WFS1: variants seen among roughly 807,000 people sequenced by gnomAD.
WFS1 encodes the protein wolframin.
A neutral mutation model predicts 68.5 loss-of-function variants in WFS1; 90 were observed. The observed-to-expected ratio is 1.31, with a 90% CI of 1.11 to 1.56. The LOEUF (loss-of-function observed/expected upper bound fraction) is 1.56, where lower values mean the gene tolerates loss of function less well. Ranked by LOEUF, WFS1 falls within the 40% of genes most tolerant of loss-of-function variation. The probability of loss-of-function intolerance (pLI) is 0.00; values close to 1 mark genes in which losing one functional copy is unlikely to be tolerated. For synonymous variants in WFS1, 860 were observed against 540.7 expected (o/e 1.59, Z -8.19); for missense variants, 1,767 against 1,232.6 (o/e 1.43, Z -6.49).
rs2109117119 is a variant in WFS1 at position 6,291,909 on chromosome 4, C to T, written c.632-8C>T. 1 of 1,608,300 alleles carries T rather than the reference C, an allele frequency of 6.2e-7. No homozygotes were observed. Among genetic ancestry groups the T allele is most frequent in the Non-Finnish European group, 8.5e-7 (1 of 1,178,180 alleles). On this transcript the variant is annotated splice_polypyrimidine_tract_variant and splice_region_variant and intron_variant, in intron 5 of 7. Coordinates refer to ENST00000226760, the MANE Select transcript of WFS1 (RefSeq NM_006005.3). ...TGTCTGACTGTTAATCCACCCTGTC[C>T]CCTGCAGATGGAGGGGCGCAGCCAG...
chr4:6,282,424 G>A (rs140506609), intron 2 of WFS1, among the ~76,000 whole-genome samples: 3,229 of 152,322 alleles, frequency 0.021, 54 homozygotes, highest in Middle Eastern at 0.051. Flanking sequence ...TGGGCGTCAC[G>A]AGAGGCGCAG....
intron 1 of WFS1, among the ~76,000 whole-genome samples, chr4:6,270,920 G>T (rs1338355825): frequency 1.3e-5 from 2 of 152,212 alleles, no homozygotes; most frequent in Non-Finnish European, 2.9e-5. Flanking sequence ...CGAAGCTGAT[G>T]GGGCAGAGCC....
intron 2 of WFS1, among the ~76,000 whole-genome samples, chr4:6,280,939 C>T (rs1730144217): frequency 6.6e-6 from 1 of 152,216 alleles, no homozygotes. Context: ...CAAGTCTCTA[C>T]AGCAGTGCTG....
At chr4:6,272,904 A>G (rs1459071717) in intron 1 of WFS1, among the ~76,000 whole-genome samples, 1 of 152,242 alleles carries the variant, frequency 6.6e-6, no homozygotes, top group Non-Finnish European at 1.5e-5. Context: ...CCAGCTGTAC[A>G]GCGTTGCACC....
At chr4:6,281,498 C>A (rs1018006320) in intron 2 of WFS1, among the ~76,000 whole-genome samples, 1 of 152,172 alleles carries the variant, frequency 6.6e-6, no homozygotes, top group Admixed American at 6.5e-5. Context: ...GTAGCCAGGC[C>A]ACAAGAAGGC....
intron 5 of WFS1, 39 bp downstream of exon 5, chr4:6,291,406 G>A (rs770660114): frequency 6.2e-6 from 10 of 1,605,108 alleles, no homozygotes; most frequent in East Asian, 4.5e-5. Flanking sequence ...TTCCCTGGGC[G>A]CCAGCCTTCC....
intron 7 of WFS1, 33 bp from the exon 8 acceptor site, chr4:6,300,624 C>T (rs771907996): frequency 1.9e-6 from 3 of 1,613,448 alleles, no homozygotes; most frequent in African/African-American, 1.3e-5. Flanking sequence ...GGTCCTGTCC[C>T]AGCCTCGTTC....
At chr4:6,275,944 GC>G (rs1729981426) in intron 1 of WFS1, among the ~76,000 whole-genome samples, 1 of 152,194 alleles carries the variant, frequency 6.6e-6, no homozygotes, top group South Asian at 2.1e-4. Flanking sequence ...CCTCACAGTT[GC>G]CCCGTCCCCA....
chr4:6,288,649 G>T, intron 3 of WFS1: 1 of 400,234 alleles, frequency 2.5e-6, no homozygotes, highest in Non-Finnish European at 4.8e-6. Flanking sequence ...GAGGTGTAAA[G>T]GACCCAGTCA....
chr4:6,301,575 C>A lies in WFS1; in HGVS notation c.1780C>A (p.Leu594Ile), dbSNP rs1244185605. The A allele has an allele frequency of 6.2e-7, 1 of 1,614,084 alleles. No homozygotes were observed. Among genetic ancestry groups the A allele is most frequent in the Non-Finnish European group, 8.5e-7 (1 of 1,180,056 alleles). The change falls in exon 8 of 8, where the codon CTC becomes ATC. Residue 594 changes from leucine to isoleucine, a missense_variant. By Grantham distance (5) the Leu-to-Ile change is conservative (BLOSUM62 2). Coordinates refer to ENST00000226760, the MANE Select transcript of WFS1 (RefSeq NM_006005.3). ...CGCCCGGTGGTTCACGTCTCTGGAGCTCACCAAGATCGCAGTCACCGTGGC... is the reference window on the plus strand; with the variant it reads ...CGCCCGGTGGTTCACGTCTCTGGAGATCACCAAGATCGCAGTCACCGTGGC... The part of the protein sequence containing the change: ...QFARWFTSLE[L>I]TKIAVTVAVC...
chr4:6,293,859 C>T (rs1460480960), intron 6 of WFS1, among the ~76,000 whole-genome samples: 1 of 152,162 alleles, frequency 6.6e-6, no homozygotes, highest in African/African-American at 2.4e-5. Flanking sequence ...CGCAAGCCCC[C>T]AGCCCGCCCA....
chr4:6,298,578 TC>T (rs1553877805), intron 7 of WFS1, among the ~76,000 whole-genome samples: 1 of 152,042 alleles, frequency 6.6e-6, no homozygotes, highest in Non-Finnish European at 1.5e-5. Context: ...ATGCACACAC[TC>T]CTAAACACTT....
At chr4:6,280,746 T>C (rs1079216) in intron 2 of WFS1, among the ~76,000 whole-genome samples, 96,605 of 152,080 alleles carry the variant, frequency 0.64, 31,266 homozygotes, top group East Asian at 0.94. Flanking sequence ...GCCTCCTGGG[T>C]ACCAGCCGAG....
Position 6,289,135 on chromosome 4 carries a change from G to T in WFS1, c.460+4G>T. On this transcript the variant is annotated splice_donor_region_variant and intron_variant, in intron 4 of 7. Transcript: ENST00000226760. Reference sequence around the variant, plus strand: ...CGGTGCTTGGCGGACAGAAGAGGTGGGTCTGTGTGAGGCTTAGAACAGCCT... The same window carrying T: ...CGGTGCTTGGCGGACAGAAGAGGTGTGTCTGTGTGAGGCTTAGAACAGCCT... The T allele has an allele frequency of 1.3e-6, 2 of 1,573,926 alleles. No individual in the cohort carries two copies. The highest frequency in any genetic ancestry group is 2.3e-5 in the South Asian group (2 of 85,672).
In WFS1 at chr4:6,295,175, C is replaced by G; in HGVS notation, c.847C>G (p.Pro283Ala). 1.2e-6 allele frequency: 2 copies of G among 1,611,922 alleles called. No individual in the cohort carries two copies. The highest frequency in any genetic ancestry group is 1.7e-6 in the Non-Finnish European group (2 of 1,180,034). ...GGCGGGGAAGAGCCCTGAGGACCTG[C>G]CACTGCGTCTGAAGGTGAGTGACCA... is the stretch of plus-strand genomic sequence containing the variant. ...ELAGKSPEDL[P>A]LRLKVVKYPL... The change falls in exon 7 of 8, where the codon CCA (proline) becomes GCA (alanine). Residue 283 changes from proline (P) to alanine (A), a missense_variant. Pro to Ala is a conservative substitution (Grantham distance 27). Transcript: ENST00000226760.
chr4:6,286,862 A>G (rs1292365664), intron 2 of WFS1, among the ~76,000 whole-genome samples: 3 of 152,032 alleles, frequency 2.0e-5, no homozygotes, highest in Non-Finnish European at 4.4e-5. Context: ...GAACCACCTC[A>G]CCCGCATAGA....
intron 7 of WFS1, among the ~76,000 whole-genome samples, chr4:6,297,205 G>A (rs923865627): frequency 6.6e-6 from 1 of 152,166 alleles, no homozygotes; most frequent in East Asian, 1.9e-4. Flanking sequence ...CTTTAGTTTT[G>A]GATGCTGTCA....
At position 6,300,955 on chromosome 4, in the gene WFS1, A is replaced by T; in HGVS notation, c.1160A>T (p.Asn387Ile). The change falls in exon 8 of 8, where the codon AAC (asparagine) becomes ATC (isoleucine). Residue 387 changes from asparagine to isoleucine, a missense_variant. Coordinates refer to ENST00000226760, the MANE Select transcript of WFS1 (RefSeq NM_006005.3). The stretch of plus-strand genomic sequence containing the variant: ...GACCTGCTGCTGCGCTTCGAGCCCA[A>T]CCTGGATGTGGAGCAGGCCGAGGTC... The part of the protein sequence containing the change: ...LTDLLLRFEP[N>I]LDVEQAEVNF... The T allele has an allele frequency of 6.2e-7, 1 of 1,613,972 alleles. No individual in the cohort carries two copies. The highest frequency in any genetic ancestry group is 8.5e-7 in the Non-Finnish European group (1 of 1,180,008).
chr4:6,294,609 G>A (rs1730571794), intron 6 of WFS1, among the ~76,000 whole-genome samples: 1 of 152,144 alleles, frequency 6.6e-6, no homozygotes, highest in African/African-American at 2.4e-5. Flanking sequence ...GGAGCGGTTG[G>A]CAGGGTACTG....
Sources: allele counts gnomAD v4.1 joint callset (sites outside exome capture counted in the v4.1 genomes callset), GRCh38; gene constraint gnomAD v4.1.1; transcripts MANE v1.5; gene names NCBI Gene and HGNC (gene_info 2026-07-23, HGNC 2026-07-21).